The following MOV10L1 variants were observed in gnomAD, a reference collection of about 807,000 sequenced individuals.
The protein encoded by MOV10L1 is RNA helicase Mov10l1.
Under a neutral mutation model 143.8 loss-of-function variants are expected in MOV10L1, and 110 were observed. The observed-to-expected ratio is 0.76, with a 90% CI of 0.66 to 0.90. The LOEUF is 0.90. Among genes scored for constraint, MOV10L1 ranks in the 40% least tolerant of loss-of-function variants. The pLI, the probability that MOV10L1 is intolerant of heterozygous loss-of-function variation, is 0.00. For synonymous variants in MOV10L1, 593 were observed against 581.1 expected, an observed-to-expected ratio of 1.02 and a Z score of -0.29; for missense variants, 1,406 against 1,526.8, an observed-to-expected ratio of 0.92 and a Z score of 1.32.
At chr22:50,145,249 T>C (rs1015435885) in intron 18 of MOV10L1, among the ~76,000 whole-genome samples, 3 of 152,338 alleles carry the variant, frequency 2.0e-5, no homozygotes, top group African/African-American at 2.4e-5. Context: ...GCCTGAAATA[T>C]TGCGTTTAAA....
At chr22:50,120,419 T>G (rs2062305420) in intron 9 of MOV10L1, 83 bp from the exon 10 acceptor site, 2 of 874,784 alleles carry the variant, frequency 2.3e-6, no homozygotes, top group African/African-American at 3.4e-5. Flanking sequence ...CTTCCTAAAA[T>G]AGGAAAGGAT....
chr22:50,092,048 A>G lies in MOV10L1; in HGVS notation c.145A>G (p.Ser49Gly). 2 of 1,614,216 alleles carry G rather than the reference A, an allele frequency of 1.2e-6. No individual in the cohort carries two copies. The highest frequency in any genetic ancestry group is 1.7e-6 in the Non-Finnish European group (2 of 1,180,040). Residue 49 changes from serine to glycine, a missense_variant, in exon 2 of 27, where the codon AGC becomes GGC. Physicochemically the swap from Ser to Gly is moderately conservative, Grantham distance 56 (BLOSUM62 0). Around this residue, in one of 3 missense-constraint regions of MOV10L1, gnomAD observed 166 missense variants for 153.9 expected, o/e 1.08. Transcript: ENST00000262794. ...TVRGVVTRYC[S>G]DYGMIDDMIY... The stretch of plus-strand genomic sequence containing the variant: ...ACGGGGTGTCGTGACAAGGTACTGC[A>G]GCGATTATGGCATGATTGATGATAT...
intron 2 of MOV10L1, 30 bp from the exon 3 acceptor site, chr22:50,099,413 A>AT: frequency 6.3e-7 from 1 of 1,599,146 alleles, no homozygotes; most frequent in South Asian, 1.1e-5. Context: ...TTCTCGTATT[A>AT]TGGTTTAGAG....
intron 26 of MOV10L1, 102 bp from the exon 27 acceptor site, chr22:50,161,266 A>T: frequency 9.2e-7 from 1 of 1,086,744 alleles, no homozygotes; most frequent in Non-Finnish European, 1.3e-6. Context: ...CTAACAGGGT[A>T]AACTAAGTCC....
intron 15 of MOV10L1, among the ~76,000 whole-genome samples, chr22:50,137,832 T>TTA (rs550687880): frequency 1.2e-3 from 79 of 64,766 alleles, no homozygotes; most frequent in East Asian, 1.5e-3. Context: ...TATACATATT[T>TTA]TATATATACA....
chr22:50,138,739 C>G (rs1281158215), intron 15 of MOV10L1, among the ~76,000 whole-genome samples: 2 of 152,180 alleles, frequency 1.3e-5, no homozygotes, highest in African/African-American at 4.8e-5. Flanking sequence ...CAGTCTCGCT[C>G]TGTTGCCCAG....
intron 22 of MOV10L1, among the ~76,000 whole-genome samples, chr22:50,154,995 G>T (rs2063389757): frequency 6.6e-6 from 1 of 152,022 alleles, no homozygotes; most frequent in Admixed American, 6.6e-5. Flanking sequence ...ACATAAATCA[G>T]CCCAGTCTAT....
At position 50,114,477 on chromosome 22, in the gene MOV10L1, G is replaced by A. The variant is rs773441370; in HGVS notation, c.981G>A (p.Gln327=). 46 of 1,614,090 alleles carry A rather than the reference G, an allele frequency of 2.8e-5. No homozygotes were observed. Among genetic ancestry groups the A allele is most frequent in the Non-Finnish European group, 3.6e-5 (42 of 1,180,040 alleles). Reference sequence around the variant, plus strand: ...GATTCCAAATGCTGGATAAAGACCAGATGTGCCCCGTGGTATCTTTTGTTT... The same window carrying A: ...GATTCCAAATGCTGGATAAAGACCAAATGTGCCCCGTGGTATCTTTTGTTT... The part of the protein sequence containing the change: ...QFRFQMLDKD[Q]MCPVVSFVSV... Residue 327 remains glutamine, a synonymous_variant, in exon 7 of 27, where the codon CAG becomes CAA. Transcript: ENST00000262794.
Position 50,152,529 on chromosome 22 carries a change from A to C in MOV10L1, c.2893-516A>C, listed in dbSNP as rs1490116375. ...TACTGGTGATATCACAGTCACCCTC[A>C]GCCGCATCAGTGAAGTCACAGCCAG... On this transcript the variant is annotated intron_variant, in intron 21 of 26. Coordinates refer to ENST00000262794, the MANE Select transcript of MOV10L1 (RefSeq NM_018995.3). The surrounding 1 kb of genome is among the most constrained non-coding windows in gnomAD (Gnocchi z 4.4). 6.6e-6 allele frequency among the ~76,000 whole-genome samples: 1 copy of C among 152,200 alleles called. No homozygotes were observed. The highest frequency in any genetic ancestry group is 1.5e-5 in the Non-Finnish European group (1 of 68,026).
intron 24 of MOV10L1, 142 bp from the exon 25 acceptor site, chr22:50,160,546 C>A: frequency 9.1e-7 from 1 of 1,093,908 alleles, no homozygotes; most frequent in Non-Finnish European, 1.3e-6. Flanking sequence ...GCCACCGCGC[C>A]CGGCCTCCTG....
intron 13 of MOV10L1, among the ~76,000 whole-genome samples, chr22:50,131,525 T>G (rs769022723): frequency 6.6e-6 from 1 of 152,182 alleles, no homozygotes; most frequent in African/African-American, 2.4e-5. Context: ...CTAATTTGGA[T>G]CTCAACGATT....
At chr22:50,113,847 C>G (rs1451235437) in intron 6 of MOV10L1, 59 bp downstream of exon 6, 2 of 1,372,966 alleles carry the variant, frequency 1.5e-6, no homozygotes, top group Non-Finnish European at 1.9e-6. Flanking sequence ...TACACTATGA[C>G]TCAATAATTT....
At position 50,148,384 on chromosome 22, in the gene MOV10L1, C is replaced by T. The variant is rs1055671335; in HGVS notation, c.2628-1231C>T. On this transcript the variant is annotated intron_variant, in intron 19 of 26. Transcript: ENST00000262794. ...TGCACTCTAGAAACAGATCATGTGC[C>T]GAGCGAGCTCCTGCTCTCCGCTCAG... Among the ~76,000 whole-genome samples, 5 of 152,290 alleles carry T rather than the reference C, an allele frequency of 3.3e-5. No homozygotes were observed. In the South Asian group the frequency reaches 6.2e-4, roughly 19 times the overall value.
rs1044431651 is a variant in MOV10L1, at chr22:50,152,317, C to A, written c.2893-728C>A. On this transcript the variant is annotated intron_variant, in intron 21 of 26. Coordinates refer to ENST00000262794, the MANE Select transcript of MOV10L1 (RefSeq NM_018995.3). The surrounding 1 kb of genome is among the most constrained non-coding windows in gnomAD (Gnocchi z 4.4). ...ACGGCTCCCCGCGGCACAGACGCAG[C>A]GAGTCCTCATGCCAATACATGGGTC... Among the ~76,000 whole-genome samples the A allele has an allele frequency of 6.6e-6, 1 of 152,172 alleles. No homozygotes were observed. Among genetic ancestry groups the A allele is most frequent in the Non-Finnish European group, 1.5e-5 (1 of 68,016 alleles).
chr22:50,108,465 CT>C, intron 4 of MOV10L1, 191 bp from the exon 5 acceptor site: 1 of 754,696 alleles, frequency 1.3e-6, no homozygotes, highest in Non-Finnish European at 2.3e-6. Context: ...AGGTCTGTAG[CT>C]TATGCAACAG....
chr22:50,155,721 G>A (rs756784906), intron 22 of MOV10L1, among the ~76,000 whole-genome samples: 12 of 152,084 alleles, frequency 7.9e-5, no homozygotes, highest in Non-Finnish European at 1.5e-4. Context: ...TGATCTGCCC[G>A]CCTTGGCCTC....
chr22:50,148,191 T>A (rs1012335371), intron 19 of MOV10L1, among the ~76,000 whole-genome samples: 2 of 152,174 alleles, frequency 1.3e-5, no homozygotes, highest in East Asian at 1.9e-4. Context: ...CTCCGGACAC[T>A]CTCTCTGCCC....
At chr22:50,138,130 T>A (rs1022720380) in intron 15 of MOV10L1, among the ~76,000 whole-genome samples, 2 of 152,184 alleles carry the variant, frequency 1.3e-5, no homozygotes, top group African/African-American at 4.8e-5. Flanking sequence ...AAATTTCTTT[T>A]ACCTACAAAA....
intron 15 of MOV10L1, among the ~76,000 whole-genome samples, chr22:50,138,689 CAG>C (rs1327831231): frequency 1.3e-5 from 2 of 152,062 alleles, no homozygotes; most frequent in Non-Finnish European, 2.9e-5. Context: ...AGTAAACACT[CAG>C]AAATTGTTTT....
Sources: gnomAD v4.1 joint callset for allele counts (sites outside exome capture counted in the v4.1 genomes callset) on GRCh38, gnomAD v4.1.1 for gene constraint, gnomAD v4.1.1 regional missense constraint, Gnocchi (gnomAD v3.1) non-coding constraint, MANE v1.5 for transcripts, NCBI Gene and HGNC (gene_info 2026-07-23, HGNC 2026-07-21) for gene names.